The following ITGAM variants were observed in gnomAD, a reference collection of about 807,000 sequenced individuals.
ITGAM encodes the protein integrin alpha-M.
ITGAM carries 79 observed loss-of-function variants against 137.5 expected under a neutral mutation model. The observed-to-expected ratio is 0.57, with a 90% confidence interval of 0.48 to 0.69. The LOEUF (loss-of-function observed/expected upper bound fraction) is 0.69. ITGAM is among the 30% of genes least tolerant of loss of function. The pLI is 0.00. For synonymous variants in ITGAM, 583 were observed against 592.3 expected (o/e 0.98, Z 0.23); for missense variants, 1,343 against 1,483.5 (o/e 0.91, Z 1.56).
chr16:31,321,422 T>C (rs1331371975), intron 15 of ITGAM, 42 bp from the exon 16 acceptor site: 5 of 1,613,634 alleles, frequency 3.1e-6, no homozygotes, highest in African/African-American at 1.3e-5. Flanking sequence ...AAGGAATGTT[T>C]CCTGTTTGAA....
At chr16:31,328,877 T>C (rs913389742) in intron 23 of ITGAM, 1 of 422,782 alleles carries the variant, frequency 2.4e-6, no homozygotes, top group Admixed American at 4.0e-5. Context: ...TGCATGTATG[T>C]GTGCATGAGT....
intron 14 of ITGAM, among the ~76,000 whole-genome samples, chr16:31,313,144 G>A (rs1276556267): frequency 2.0e-5 from 3 of 152,092 alleles, no homozygotes; most frequent in South Asian, 2.1e-4. Flanking sequence ...CTTGAACCCA[G>A]GAGGCGGAGG....
At chr16:31,277,358 A>G (rs1461476473) in intron 11 of ITGAM, among the ~76,000 whole-genome samples, 1 of 140,696 alleles carries the variant, frequency 7.1e-6, no homozygotes, top group Non-Finnish European at 1.5e-5. Context: ...ACCCCTGGCT[A>G]ATTTTTTTTT....
chr16:31,261,109 G>A (rs2079693563), intron 1 of ITGAM, among the ~76,000 whole-genome samples: 1 of 152,170 alleles, frequency 6.6e-6, no homozygotes, highest in South Asian at 2.1e-4. Context: ...TAACAGAGCT[G>A]GACCTGGGAG....
intron 5 of ITGAM, among the ~76,000 whole-genome samples, chr16:31,270,339 T>G (rs1392597270): frequency 1.3e-5 from 2 of 151,720 alleles, no homozygotes; most frequent in Non-Finnish European, 2.9e-5. Context: ...TGATCTCAAG[T>G]GATCCACCTG....
chr16:31,277,905 G>C, intron 11 of ITGAM, 62 bp from the exon 12 acceptor site: 1 of 1,515,262 alleles, frequency 6.6e-7, no homozygotes, highest in South Asian at 1.3e-5. Context: ...CTCAAGGGGT[G>C]GGTCTGCATG....
At chr16:31,287,833 GA>G (rs67164152) in intron 12 of ITGAM, among the ~76,000 whole-genome samples, 9,045 of 152,068 alleles carry the variant, frequency 0.059, 929 homozygotes, top group African/African-American at 0.21. Context: ...ATGGGGTGGG[GA>G]AAAAAGTGTA....
intron 1 of ITGAM, among the ~76,000 whole-genome samples, chr16:31,261,485 G>A (rs2079698675): frequency 6.6e-6 from 1 of 151,546 alleles, no homozygotes; most frequent in Admixed American, 6.6e-5. Flanking sequence ...CCCAGCCATT[G>A]CTTTCTTTTA....
intron 14 of ITGAM, among the ~76,000 whole-genome samples, chr16:31,303,005 T>G (rs1316420104): frequency 7.0e-6 from 1 of 142,782 alleles, no homozygotes; most frequent in Non-Finnish European, 1.5e-5. Context: ...TCTTTTTCTT[T>G]CTCTCTTTCT....
At position 31,324,712 on chromosome 16, in the gene ITGAM, C is replaced by A. The variant is rs1349444863; in HGVS notation, c.2219C>A (p.Thr740Lys). Residue 740 changes from threonine (T) to lysine (K), a missense_variant, in exon 18 of 30, where the codon ACG becomes AAG. Physicochemically the swap from Thr to Lys is moderately conservative, Grantham distance 78. Transcript: ENST00000544665. This position sits in a 1 kb window ranked among gnomAD's most constrained non-coding sequence, Gnocchi z 4.5. ...VLRLNFSLVG[T>K]PLSAFGNLRP... ...CGCCTGAACTTCTCTCTGGTGGGAA[C>A]GCCATTGTCTGCTTTCGGGAACCTC... 6.2e-7 allele frequency: 1 copy of A among 1,601,026 alleles called. No homozygotes were observed. Among genetic ancestry groups the A allele is most frequent in the African/African-American group, 1.3e-5 (1 of 74,418 alleles).
At chr16:31,273,311 AAC>A in intron 7 of ITGAM, 52 bp from the exon 8 acceptor site, 1 of 1,520,200 alleles carries the variant, frequency 6.6e-7, no homozygotes, top group Non-Finnish European at 8.9e-7. Flanking sequence ...AAAAAAAAAA[AAC>A]TAGTGTGTCA....
chr16:31,306,193 T>C (rs2080262913), intron 14 of ITGAM, among the ~76,000 whole-genome samples: 1 of 152,140 alleles, frequency 6.6e-6, no homozygotes, highest in Admixed American at 6.6e-5. Context: ...CGAAAAGCAT[T>C]TTGAATGATT....
At chr16:31,326,276 C>T (rs1373872210) in intron 21 of ITGAM, among the ~76,000 whole-genome samples, 1 of 152,068 alleles carries the variant, frequency 6.6e-6, no homozygotes, top group Non-Finnish European at 1.5e-5. Flanking sequence ...ATAGATTTGC[C>T]TATTCTGGAC....
At chr16:31,284,249 A>G (rs2080002917) in intron 12 of ITGAM, among the ~76,000 whole-genome samples, 1 of 152,172 alleles carries the variant, frequency 6.6e-6, no homozygotes, top group Non-Finnish European at 1.5e-5. Context: ...TACTCTCTTC[A>G]AAGCTGTCAG....
intron 14 of ITGAM, among the ~76,000 whole-genome samples, chr16:31,307,074 G>A (rs1468120103): frequency 6.6e-6 from 1 of 152,194 alleles, no homozygotes. Flanking sequence ...TTGAAGTCAG[G>A]TAGCGTGATG....
At chr16:31,266,904 G>A (rs977851237) in intron 5 of ITGAM, among the ~76,000 whole-genome samples, 2 of 147,848 alleles carry the variant, frequency 1.4e-5, no homozygotes, top group Non-Finnish European at 3.0e-5. Context: ...GTCTCGCTCT[G>A]TCACCCAGGC....
intron 14 of ITGAM, among the ~76,000 whole-genome samples, chr16:31,309,651 C>T (rs1035636198): frequency 7.2e-5 from 11 of 152,146 alleles, no homozygotes; most frequent in Non-Finnish European, 1.5e-4. Flanking sequence ...AGCCCATTTA[C>T]ATTTAAGGTT....
chr16:31,271,623 G>A (rs1166234277), intron 6 of ITGAM, among the ~76,000 whole-genome samples: 2 of 152,224 alleles, frequency 1.3e-5, no homozygotes, highest in Non-Finnish European at 2.9e-5. Context: ...AAAGTGCTGG[G>A]ATTACAGGTG....
chr16:31,278,630 A>T (rs1351700434), intron 12 of ITGAM, among the ~76,000 whole-genome samples: 1 of 152,190 alleles, frequency 6.6e-6, no homozygotes, highest in Non-Finnish European at 1.5e-5. Context: ...GCATGGTCAC[A>T]TATTATGTGG....
Sources: gnomAD v4.1 joint callset for allele counts (sites outside exome capture counted in the v4.1 genomes callset) on GRCh38, gnomAD v4.1.1 for gene constraint, Gnocchi (gnomAD v3.1) non-coding constraint, MANE v1.5 for transcripts, NCBI Gene and HGNC (gene_info 2026-07-23, HGNC 2026-07-21) for gene names.